KCNMB4: variants seen among roughly 807,000 people sequenced by gnomAD.
KCNMB4 encodes the protein potassium calcium-activated channel subfamily M regulatory beta subunit 4, also known as calcium-activated potassium channel subunit beta-4.
A neutral mutation model predicts 20.7 loss-of-function variants in KCNMB4; 3 were observed. The ratio of observed to expected loss-of-function variants is 0.14; its 90% CI spans 0.07 to 0.37. The LOEUF is 0.37. Among genes scored for constraint, KCNMB4 ranks in the 10% least tolerant of loss-of-function variants. The pLI is 1.00. For missense variants in KCNMB4, 168 were observed against 265.9 expected (o/e 0.63, Z 2.56); for synonymous variants, 110 against 113.4 (o/e 0.97, Z 0.19).
At chr12:70,394,663 GTTTA>G (rs1015617651) in intron 1 of KCNMB4, among the ~76,000 whole-genome samples, 12 of 152,200 alleles carry the variant, frequency 7.9e-5, no homozygotes, top group African/African-American at 2.6e-4. Context: ...ACATTATGGA[GTTTA>G]TTTATTTATT....
chr12:70,368,399 GA>G (rs1324853566), intron 1 of KCNMB4, among the ~76,000 whole-genome samples: 2 of 151,294 alleles, frequency 1.3e-5, no homozygotes, highest in Non-Finnish European at 2.9e-5. Context: ...TGCTCCTGTC[GA>G]CAAATGAATA....
intron 1 of KCNMB4, among the ~76,000 whole-genome samples, chr12:70,371,919 A>G (rs553488462): frequency 2.0e-5 from 3 of 152,324 alleles, no homozygotes; most frequent in South Asian, 4.1e-4. Flanking sequence ...GATAAAGAAA[A>G]TTTGGGCAGG....
At chr12:70,396,408 T>G (rs1472947085) in intron 1 of KCNMB4, among the ~76,000 whole-genome samples, 1 of 152,148 alleles carries the variant, frequency 6.6e-6, no homozygotes, top group Non-Finnish European at 1.5e-5. Context: ...TGGGTTTAAG[T>G]GATTCTCTTG....
At chr12:70,369,300 A>G (rs1480338572) in intron 1 of KCNMB4, among the ~76,000 whole-genome samples, 1 of 152,230 alleles carries the variant, frequency 6.6e-6, no homozygotes, top group Non-Finnish European at 1.5e-5. Flanking sequence ...GGAAATTCTT[A>G]TAGGCAGTGT....
intron 1 of KCNMB4, among the ~76,000 whole-genome samples, chr12:70,369,281 T>G (rs1390187): frequency 0.44 from 67,156 of 152,020 alleles, 16,500 homozygotes; most frequent in East Asian, 0.73. Context: ...ACCAATAAAT[T>G]CTCAATTTGG....
Position 70,430,698 on chromosome 12 carries a change from A to G in KCNMB4, c.*45A>G, listed in dbSNP as rs909101248. On this transcript the variant is annotated 3_prime_UTR_variant, in exon 3 of 3. Transcript: ENST00000258111. ...AAAGCAAAGTACAGAAGCTGTACTC[A>G]TCGGCACGCGTCCACCTGCGGAACC... 59 of 1,506,262 alleles carry G rather than the reference A, an allele frequency of 3.9e-5. No individual in the cohort carries two copies. Among genetic ancestry groups the G allele is most frequent in the Non-Finnish European group, 5.0e-5 (57 of 1,129,368 alleles). 93.3% of individuals were successfully genotyped at this position (1,506,262 alleles called of 1,614,324 possible).
In KCNMB4 at chr12:70,389,098, C is replaced by T. The variant is rs788373; in HGVS notation, c.337-11111C>T. 3.4e-3 allele frequency among the ~76,000 whole-genome samples: 513 copies of T among 152,028 alleles called. 4 individuals carry two copies. The highest frequency in any genetic ancestry group is 0.011 in the African/African-American group (465 of 41,472). On this transcript the variant is annotated intron_variant, in intron 1 of 2. Transcript: ENST00000258111. ...GCTTTCTTGCACCACACCATCCTACCCCATTTTCCTCTCTTTATTCTTTAA... is the reference window on the plus strand; with the variant it reads ...GCTTTCTTGCACCACACCATCCTACTCCATTTTCCTCTCTTTATTCTTTAA...
chr12:70,390,596 G>C (rs968943914), intron 1 of KCNMB4, among the ~76,000 whole-genome samples: 5 of 152,202 alleles, frequency 3.3e-5, no homozygotes, highest in African/African-American at 4.8e-5. Flanking sequence ...GAGATGAATT[G>C]AGACAGCTTC....
intron 1 of KCNMB4, among the ~76,000 whole-genome samples, chr12:70,394,658 A>T (rs967685142): frequency 3.2e-4 from 49 of 152,140 alleles, no homozygotes; most frequent in African/African-American, 1.1e-3. Flanking sequence ...TTGAAACATT[A>T]TGGAGTTTAT....
intron 2 of KCNMB4, among the ~76,000 whole-genome samples, chr12:70,401,418 G>A (rs540449173): frequency 3.3e-5 from 5 of 151,984 alleles, no homozygotes; most frequent in African/African-American, 1.2e-4. Flanking sequence ...CTCCATTAAC[G>A]CAATAGTCTT....
At position 70,375,517 on chromosome 12, in the gene KCNMB4, C is replaced by T. The variant is rs562981784; in HGVS notation, c.336+8447C>T. On this transcript the variant is annotated intron_variant, in intron 1 of 2. Transcript: ENST00000258111. ...AATTAGCCAGACATGATGACATACA[C>T]TGGTAGTCCTAGCTACTCAGGAGGC... Among the ~76,000 whole-genome samples the T allele has an allele frequency of 2.6e-5, 4 of 151,870 alleles. No homozygotes were observed. The East Asian group carries it at 7.7e-4, about 29-fold the overall frequency.
chr12:70,399,446 G>A (rs371167930), intron 1 of KCNMB4, among the ~76,000 whole-genome samples: 140 of 152,276 alleles, frequency 9.2e-4, no homozygotes, highest in South Asian at 7.3e-3. Context: ...AAGCATTTGC[G>A]TCTGCTGTAT....
At chr12:70,374,053 G>A (rs9919810) in intron 1 of KCNMB4, among the ~76,000 whole-genome samples, 84,781 of 151,934 alleles carry the variant, frequency 0.56, 24,754 homozygotes, top group African/African-American at 0.74. Flanking sequence ...TTATCGTAAT[G>A]TATCTCCAGC....
At chr12:70,422,823 A>G (rs898363566) in intron 2 of KCNMB4, 5 of 1,249,724 alleles carry the variant, frequency 4.0e-6, no homozygotes, top group Non-Finnish European at 4.1e-6. Flanking sequence ...AAACCGACAG[A>G]TGGATAAAAA....
chr12:70,409,163 G>A (rs1296512056), intron 2 of KCNMB4, among the ~76,000 whole-genome samples: 3 of 152,120 alleles, frequency 2.0e-5, no homozygotes, highest in Non-Finnish European at 4.4e-5. Context: ...CTGGATAGTA[G>A]GTCACAGAGT....
At chr12:70,427,012 ATAGAG>A (rs955861525) in intron 2 of KCNMB4, among the ~76,000 whole-genome samples, 5 of 152,184 alleles carry the variant, frequency 3.3e-5, no homozygotes, top group African/African-American at 9.7e-5. Flanking sequence ...GTCCCTAGAT[ATAGAG>A]TAATTACCCC....
chr12:70,377,778 A>G (rs1479283830), intron 1 of KCNMB4, among the ~76,000 whole-genome samples: 1 of 152,164 alleles, frequency 6.6e-6, no homozygotes, highest in Non-Finnish European at 1.5e-5. Context: ...GTCATTTGTC[A>G]TTTCAACAGT....
Position 70,404,643 on chromosome 12 carries a change from G to C in KCNMB4, c.464+4307G>C, listed in dbSNP as rs12319193. Among the ~76,000 whole-genome samples, 18 of 152,126 alleles carry C rather than the reference G, an allele frequency of 1.2e-4. No homozygotes were observed. The East Asian group carries it at 2.5e-3, about 21-fold the overall frequency. On this transcript the variant is annotated intron_variant, in intron 2 of 2. Coordinates refer to ENST00000258111, the MANE Select transcript of KCNMB4 (RefSeq NM_014505.6). ...TAGTGGTGGTGAAAGTAGCAACAAG[G>C]ATTATAGCAGTAAGATTTTTTAGTT...
At chr12:70,382,296 A>G (rs976774010) in intron 1 of KCNMB4, among the ~76,000 whole-genome samples, 1 of 151,152 alleles carries the variant, frequency 6.6e-6, no homozygotes, top group Admixed American at 6.6e-5. Flanking sequence ...AGCCGGGCGC[A>G]GTGGCGGGCG....
Sources: allele counts gnomAD v4.1 joint callset (sites outside exome capture counted in the v4.1 genomes callset), GRCh38; gene constraint gnomAD v4.1.1; transcripts MANE v1.5; gene names NCBI Gene and HGNC (gene_info 2026-07-23, HGNC 2026-07-21).